GPSM3: variants seen among roughly 807,000 people sequenced by gnomAD.
GPSM3 encodes G protein-signaling modulator 3.
GPSM3 carries 16 observed loss-of-function variants against 20.4 expected under a neutral mutation model. That is an observed-to-expected ratio of 0.78 (90% CI 0.53 to 1.19). The LOEUF is 1.19. Among genes scored for constraint, GPSM3 ranks in the 50% most tolerant of loss-of-function variants. GPSM3 has a pLI of 0.00. For missense variants in GPSM3, 177 were observed against 204.6 expected, an observed-to-expected ratio of 0.86 and a Z score of 0.82; for synonymous variants, 70 against 79.6, an observed-to-expected ratio of 0.88 and a Z score of 0.64.
In GPSM3 at chr6:32,191,346, G is replaced by A; in HGVS notation, c.*20C>T. On this transcript the variant is annotated 3_prime_UTR_variant, in exon 4 of 4. Coordinates refer to ENST00000375040, the MANE Select transcript of GPSM3 (RefSeq NM_001276501.2). The surrounding 1 kb of genome is among the most constrained non-coding windows in gnomAD (Gnocchi z 5.9). Reference sequence around the variant, plus strand: ...AGCTTTGAGACCAGTGGCAAGGAAGGGCTGGTTGGGGCTCAAGTCTCAGCA... The same window carrying A: ...AGCTTTGAGACCAGTGGCAAGGAAGAGCTGGTTGGGGCTCAAGTCTCAGCA... The A allele has an allele frequency of 6.4e-7, 1 of 1,572,956 alleles. No homozygotes were observed. Among genetic ancestry groups the A allele is most frequent in the Non-Finnish European group, 8.6e-7 (1 of 1,165,936 alleles).
At position 32,191,413 on chromosome 6, in the gene GPSM3, C is replaced by A. The variant is rs1201612333; in HGVS notation, c.436G>T (p.Gly146Cys). The change falls in exon 4 of 4, where the codon GGT becomes TGT. Residue 146 changes from glycine (G) to cysteine (C), a missense_variant. Coordinates refer to ENST00000375040, the MANE Select transcript of GPSM3 (RefSeq NM_001276501.2). The surrounding 1 kb of genome is among the most constrained non-coding windows in gnomAD (Gnocchi z 5.9). ...CGGGACCTTTGCTCCTCCATTCGACCCCCACCCTGAACTCTCAGCAGCAAC... is the reference window on the plus strand; with the variant it reads ...CGGGACCTTTGCTCCTCCATTCGACACCCACCCTGAACTCTCAGCAGCAAC... Reference protein sequence around the residue: ...LELLLRVQGGGRMEEQRSRPP... With the variant: ...LELLLRVQGGCRMEEQRSRPP... 1.3e-6 allele frequency: 2 copies of A among 1,593,024 alleles called. No homozygotes were observed. Among genetic ancestry groups the A allele is most frequent in the Admixed American group, 3.7e-5 (2 of 54,466 alleles).
chr6:32,192,533 G>A lies in GPSM3; in HGVS notation c.-20C>T, dbSNP rs1787609495. 1 of 1,575,308 alleles carries A rather than the reference G, an allele frequency of 6.3e-7. No individual in the cohort carries two copies. The highest frequency in any genetic ancestry group is 8.6e-7 in the Non-Finnish European group (1 of 1,159,180). The stretch of plus-strand genomic sequence containing the variant: ...CTCCATCCCCTAGAGGGGAGAAACT[G>A]GTGGGGGAGGGGTGGCTGGGATTTG... On this transcript the variant is annotated 5_prime_UTR_variant, in exon 1 of 4. Coordinates refer to ENST00000375040, the MANE Select transcript of GPSM3 (RefSeq NM_001276501.2). This position sits in a 1 kb window ranked among gnomAD's most constrained non-coding sequence, Gnocchi z 5.1.
At position 32,191,644 on chromosome 6, in the gene GPSM3, C is replaced by T. The variant is rs1180348475; in HGVS notation, c.345+65G>A. On this transcript the variant is annotated intron_variant, in intron 3 of 3. Transcript: ENST00000375040. This position sits in a 1 kb window ranked among gnomAD's most constrained non-coding sequence, Gnocchi z 5.9. ...TGCCTAGGGAGAAACAGGAGTAGAGCCCCAAAGAGAACAGGGGCCAAGAGA... is the reference window on the plus strand; with the variant it reads ...TGCCTAGGGAGAAACAGGAGTAGAGTCCCAAAGAGAACAGGGGCCAAGAGA... 1.3e-6 allele frequency: 2 copies of T among 1,494,138 alleles called. No homozygotes were observed. The highest frequency in any genetic ancestry group is 2.8e-5 in the African/African-American group (2 of 71,378). 92.6% of individuals were successfully genotyped at this position (1,494,138 alleles called of 1,614,324 possible).
At chr6:32,192,804 C>T, upstream of GPSM3, 2 of 374,552 alleles carry the variant, frequency 5.3e-6, no homozygotes, top group Non-Finnish European at 9.6e-6. The surrounding 1 kb of genome is among the most constrained non-coding windows in gnomAD (Gnocchi z 5.1). Flanking sequence ...GTGGAGGGGG[C>T]TCATGGTGGG....
At position 32,192,518 on chromosome 6, in the gene GPSM3, T is replaced by C. The variant is rs765176109; in HGVS notation, c.-5A>G. The C allele has an allele frequency of 2.5e-6, 4 of 1,583,266 alleles. No individual in the cohort carries two copies. Among genetic ancestry groups the C allele is most frequent in the Non-Finnish European group, 3.4e-6 (4 of 1,163,654 alleles). On this transcript the variant is annotated 5_prime_UTR_variant, in exon 1 of 4. Transcript: ENST00000375040. This position sits in a 1 kb window ranked among gnomAD's most constrained non-coding sequence, Gnocchi z 5.1. ...CTGGGGTCTCTCAGCCTCCATCCCCTAGAGGGGAGAAACTGGTGGGGGAGG... is the reference window on the plus strand; with the variant it reads ...CTGGGGTCTCTCAGCCTCCATCCCCCAGAGGGGAGAAACTGGTGGGGGAGG...
Position 32,191,885 on chromosome 6 carries a change from G to T in GPSM3, c.169C>A (p.Leu57Met). ...HTALGPRSAS[L>M]LSLQTELLLD... is the part of the protein sequence containing the mutation. The stretch of plus-strand genomic sequence containing the variant: ...AGGAGTTCAGTCTGCAGGGAGAGCA[G>T]GGAGGCCGAGCGGGGTCCCAGGGCT... The change falls in exon 3 of 4, where the codon CTG becomes ATG. Residue 57 changes from leucine (L) to methionine (M), a missense_variant. Leu to Met is a conservative substitution (Grantham distance 15). Coordinates refer to ENST00000375040, the MANE Select transcript of GPSM3 (RefSeq NM_001276501.2). The surrounding 1 kb of genome is among the most constrained non-coding windows in gnomAD (Gnocchi z 5.9). 6.2e-7 allele frequency: 1 copy of T among 1,611,460 alleles called. No individual in the cohort carries two copies. Among genetic ancestry groups the T allele is most frequent in the Non-Finnish European group, 8.5e-7 (1 of 1,179,714 alleles).
At chr6:32,195,136 A>G, upstream of GPSM3, 1 of 436,586 alleles carries the variant, frequency 2.3e-6, no homozygotes. The surrounding 1 kb of genome is among the most constrained non-coding windows in gnomAD (Gnocchi z 5.4). Context: ...TACATCCCAT[A>G]TGCCTGCAAT....
At position 32,192,076 on chromosome 6, in the gene GPSM3, G is replaced by T; in HGVS notation, c.145+72C>A. 1.5e-6 allele frequency: 2 copies of T among 1,312,844 alleles called. No homozygotes were observed. Among genetic ancestry groups the T allele is most frequent in the Non-Finnish European group, 2.1e-6 (2 of 944,626 alleles). The allele number at this position is 1,312,844 out of a possible 1,614,324, so 81.3% of individuals were successfully genotyped here. ...AGGAGGTGGGGAGAGGGCCCACAAT[G>T]GAGTGGGCCTTGGTAATGGGGTCAG... On this transcript the variant is annotated intron_variant, in intron 2 of 3. Transcript: ENST00000375040. This position sits in a 1 kb window ranked among gnomAD's most constrained non-coding sequence, Gnocchi z 5.1.
In GPSM3 at chr6:32,192,453, AACC is replaced by A; in HGVS notation, c.42+16_42+18del. The A allele has an allele frequency of 6.3e-7, 1 of 1,582,432 alleles. No homozygotes were observed. The highest frequency in any genetic ancestry group is 1.2e-5 in the South Asian group (1 of 86,726). ...CTTCTTTCCCAGTGTCAGCCTCCCC[AACC>A]CCGTGCCCAGCTCACCTGCTCACCA... On this transcript the variant is annotated intron_variant, in intron 1 of 3. Transcript: ENST00000375040. The surrounding 1 kb of genome is among the most constrained non-coding windows in gnomAD (Gnocchi z 5.1).
At chr6:32,192,896 T>A (rs1787640514), upstream of GPSM3, 3 of 221,528 alleles carry the variant, frequency 1.4e-5, no homozygotes, top group Non-Finnish European at 2.7e-5. This position sits in a 1 kb window ranked among gnomAD's most constrained non-coding sequence, Gnocchi z 5.1. Context: ...CACCTCCTCT[T>A]CTGCTCTTTC....
Position 32,192,201 on chromosome 6 carries a change from C to T in GPSM3, c.92G>A (p.Arg31Gln), listed in dbSNP as rs751020910. ...EGWPPPNSTT[R>Q]PWRSAPPSPP... ...GGATGGAGGAGCAGATCGCCAAGGC[C>T]GAGTGGTGGAGTTTGGAGGGGGCCA... The change falls in exon 2 of 4, where the codon CGG becomes CAG. Residue 31 changes from arginine (R) to glutamine (Q), a missense_variant. Arg to Gln is a conservative substitution (Grantham distance 43). Transcript: ENST00000375040. The surrounding 1 kb of genome is among the most constrained non-coding windows in gnomAD (Gnocchi z 5.1). The T allele has an allele frequency of 1.7e-5, 25 of 1,510,180 alleles. No homozygotes were observed. Among genetic ancestry groups the T allele is most frequent in the South Asian group, 9.4e-5 (7 of 74,312 alleles). The allele number at this position is 1,510,180 out of a possible 1,614,324, so 93.5% of individuals were successfully genotyped here.
chr6:32,191,703 T>C lies in GPSM3; in HGVS notation c.345+6A>G, dbSNP rs1787529249. 6.3e-7 allele frequency: 1 copy of C among 1,596,208 alleles called. No homozygotes were observed. Among genetic ancestry groups the C allele is most frequent in the East Asian group, 2.2e-5 (1 of 44,550 alleles). On this transcript the variant is annotated splice_donor_region_variant and intron_variant, in intron 3 of 3. Coordinates refer to ENST00000375040, the MANE Select transcript of GPSM3 (RefSeq NM_001276501.2). The surrounding 1 kb of genome is among the most constrained non-coding windows in gnomAD (Gnocchi z 5.9). ...CCTGGGTTTGCCTCCTGGGGGGATG[T>C]CTTACCTGGTGACTGAGGATAGTGC... is the stretch of plus-strand genomic sequence containing the variant.
In GPSM3 at chr6:32,192,431, C is replaced by T; in HGVS notation, c.42+41G>A. On this transcript the variant is annotated intron_variant, in intron 1 of 3. Coordinates refer to ENST00000375040, the MANE Select transcript of GPSM3 (RefSeq NM_001276501.2). The surrounding 1 kb of genome is among the most constrained non-coding windows in gnomAD (Gnocchi z 5.1). ...TGCCCCAGGTCCTCTCACCTCCCTT[C>T]TTTCCCAGTGTCAGCCTCCCCAACC... 11 of 1,568,042 alleles carry T rather than the reference C, an allele frequency of 7.0e-6. No individual in the cohort carries two copies. The highest frequency in any genetic ancestry group is 1.9e-5 in the Admixed American group (1 of 53,642).
Position 32,191,872 on chromosome 6 carries a change from T to C in GPSM3, c.182A>G (p.Gln61Arg). 1.2e-6 allele frequency: 2 copies of C among 1,611,260 alleles called. No individual in the cohort carries two copies. The highest frequency in any genetic ancestry group is 1.7e-6 in the Non-Finnish European group (2 of 1,179,636). ...CACCAGGTCCAGAAGGAGTTCAGTC[T>C]GCAGGGAGAGCAGGGAGGCCGAGCG... ...GPRSASLLSL[Q>R]TELLLDLVAE... Residue 61 changes from glutamine to arginine, a missense_variant, in exon 3 of 4, where the codon CAG becomes CGG. Coordinates refer to ENST00000375040, the MANE Select transcript of GPSM3 (RefSeq NM_001276501.2). The surrounding 1 kb of genome is among the most constrained non-coding windows in gnomAD (Gnocchi z 5.9).
At position 32,192,416 on chromosome 6, in the gene GPSM3, C is replaced by T; in HGVS notation, c.42+56G>A. The T allele has an allele frequency of 1.3e-6, 2 of 1,534,740 alleles. No individual in the cohort carries two copies. Among genetic ancestry groups the T allele is most frequent in the Non-Finnish European group, 1.8e-6 (2 of 1,128,254 alleles). ...GTGTCCCTACATTTCTGCCCCAGGT[C>T]CTCTCACCTCCCTTCTTTCCCAGTG... is the stretch of plus-strand genomic sequence containing the variant. On this transcript the variant is annotated intron_variant, in intron 1 of 3. Coordinates refer to ENST00000375040, the MANE Select transcript of GPSM3 (RefSeq NM_001276501.2). The surrounding 1 kb of genome is among the most constrained non-coding windows in gnomAD (Gnocchi z 5.1).
Position 32,191,972 on chromosome 6 carries a change from A to C in GPSM3, c.146-64T>G. The C allele has an allele frequency of 6.8e-7, 1 of 1,476,998 alleles. No homozygotes were observed. The allele number at this position is 1,476,998 out of a possible 1,614,324, so 91.5% of individuals were successfully genotyped here. On this transcript the variant is annotated intron_variant, in intron 2 of 3. Transcript: ENST00000375040. This position sits in a 1 kb window ranked among gnomAD's most constrained non-coding sequence, Gnocchi z 5.9. ...GGTTGGCAGACAGGAGCCGTGGGGGAGTGTGGACAGGGTGACGTGATTAGG... is the reference window on the plus strand; with the variant it reads ...GGTTGGCAGACAGGAGCCGTGGGGGCGTGTGGACAGGGTGACGTGATTAGG...
rs753633369 is a variant in GPSM3, at chr6:32,192,459, G to A, written c.42+13C>T. ...TCCCAGTGTCAGCCTCCCCAACCCC[G>A]TGCCCAGCTCACCTGCTCACCATCC... On this transcript the variant is annotated intron_variant, in intron 1 of 3. Coordinates refer to ENST00000375040, the MANE Select transcript of GPSM3 (RefSeq NM_001276501.2). This position sits in a 1 kb window ranked among gnomAD's most constrained non-coding sequence, Gnocchi z 5.1. 43 of 1,585,554 alleles carry A rather than the reference G, an allele frequency of 2.7e-5. No individual in the cohort carries two copies. Among genetic ancestry groups the A allele is most frequent in the Middle Eastern group, 1.7e-4 (1 of 6,054 alleles).
upstream of GPSM3, chr6:32,192,854 T>C (rs1787637871): frequency 3.3e-6 from 1 of 301,836 alleles, no homozygotes; most frequent in Admixed American, 5.1e-5. This position sits in a 1 kb window ranked among gnomAD's most constrained non-coding sequence, Gnocchi z 5.1. Flanking sequence ...GCCTCAGTAG[T>C]CCCCTAATCC....
Position 32,192,429 on chromosome 6 carries a change from T to C in GPSM3, c.42+43A>G. The C allele has an allele frequency of 6.4e-7, 1 of 1,565,362 alleles. No homozygotes were observed. Among genetic ancestry groups the C allele is most frequent in the Non-Finnish European group, 8.7e-7 (1 of 1,152,300 alleles). ...TCTGCCCCAGGTCCTCTCACCTCCC[T>C]TCTTTCCCAGTGTCAGCCTCCCCAA... On this transcript the variant is annotated intron_variant, in intron 1 of 3. Coordinates refer to ENST00000375040, the MANE Select transcript of GPSM3 (RefSeq NM_001276501.2). This position sits in a 1 kb window ranked among gnomAD's most constrained non-coding sequence, Gnocchi z 5.1.
Sources: gnomAD v4.1 joint callset for allele counts on GRCh38, gnomAD v4.1.1 for gene constraint, Gnocchi (gnomAD v3.1) non-coding constraint, MANE v1.5 for transcripts, NCBI Gene and HGNC (gene_info 2026-07-23, HGNC 2026-07-21) for gene names.